Variants in CSMD1 observed in about 807,000 individuals in gnomAD.
The protein encoded by CSMD1 is CUB and sushi domain-containing protein 1.
Under a neutral mutation model 417.5 loss-of-function variants are expected in CSMD1, and 213 were observed. That is an observed-to-expected ratio of 0.51 (90% confidence interval 0.46 to 0.57). The LOEUF is 0.57. Ranked by LOEUF, CSMD1 falls within the 20% of genes least tolerant of loss-of-function variation. The pLI is 0.00. For synonymous variants in CSMD1, 2,862 were observed against 1,736.8 expected (o/e 1.65, Z -16.11); for missense variants, 6,923 against 4,529.7 (o/e 1.53, Z -15.17).
intron 1 of CSMD1, among the ~76,000 whole-genome samples, chr8:4,674,777 G>A (rs1457394927): frequency 6.6e-6 from 1 of 152,192 alleles, no homozygotes; most frequent in African/African-American, 2.4e-5. Flanking sequence ...GCTATAGATT[G>A]AATCGTGTCC....
intron 12 of CSMD1, among the ~76,000 whole-genome samples, chr8:3,448,041 C>T (rs145890815): frequency 1.3e-5 from 2 of 152,092 alleles, no homozygotes; most frequent in East Asian, 3.9e-4. Context: ...ACAAACAAGC[C>T]TCTTGTGTCA....
intron 2 of CSMD1, among the ~76,000 whole-genome samples, chr8:4,617,855 T>G (rs149659619): frequency 6.6e-6 from 1 of 152,282 alleles, no homozygotes; most frequent in Non-Finnish European, 1.5e-5. Flanking sequence ...CCAAGAACAC[T>G]CACCCTTCTT....
At chr8:2,971,257 G>C (rs547582880) in intron 57 of CSMD1, among the ~76,000 whole-genome samples, 41 of 152,130 alleles carry the variant, frequency 2.7e-4, no homozygotes, top group African/African-American at 9.4e-4. Context: ...GATCATCTCA[G>C]GGTCAGACTC....
intron 7 of CSMD1, among the ~76,000 whole-genome samples, chr8:3,623,276 A>G (rs764655937): frequency 1.3e-5 from 2 of 152,234 alleles, no homozygotes; most frequent in Non-Finnish European, 2.9e-5. Flanking sequence ...GCAGGGCAGT[A>G]AAGAAAATTC....
At chr8:4,406,657 C>T (rs958803111) in intron 3 of CSMD1, among the ~76,000 whole-genome samples, 2 of 152,138 alleles carry the variant, frequency 1.3e-5, no homozygotes, top group Admixed American at 1.3e-4. Flanking sequence ...CATGGGCACT[C>T]CTCCTGGCCA....
At chr8:3,412,134 A>G (rs1213372178) in intron 12 of CSMD1, among the ~76,000 whole-genome samples, 1 of 124,546 alleles carries the variant, frequency 8.0e-6, no homozygotes, top group Admixed American at 8.7e-5. Context: ...GTATATATAC[A>G]TATATACATA....
At chr8:4,035,392 T>TA (rs899671713) in intron 3 of CSMD1, among the ~76,000 whole-genome samples, 27 of 151,686 alleles carry the variant, frequency 1.8e-4, no homozygotes, top group African/African-American at 4.6e-4. Context: ...CTTCTTCTAC[T>TA]AAAAAAAAAT....
At chr8:4,061,834 A>G (rs6996744) in intron 3 of CSMD1, among the ~76,000 whole-genome samples, 5,727 of 152,292 alleles carry the variant, frequency 0.038, 381 homozygotes, top group African/African-American at 0.13. Flanking sequence ...TTTAGAAGAA[A>G]TATACACTGT....
intron 3 of CSMD1, among the ~76,000 whole-genome samples, chr8:4,239,622 G>A (rs572777465): frequency 6.6e-6 from 1 of 152,146 alleles, no homozygotes; most frequent in Non-Finnish European, 1.5e-5. Flanking sequence ...TTTCCACCTA[G>A]AGAACCCAAA....
chr8:4,415,472 T>C (rs1585040116), intron 3 of CSMD1, among the ~76,000 whole-genome samples: 1 of 152,310 alleles, frequency 6.6e-6, no homozygotes, highest in East Asian at 1.9e-4. Flanking sequence ...GAGCCCACTC[T>C]GTGATGGCCT....
At chr8:3,845,773 A>G (rs549776675) in intron 5 of CSMD1, among the ~76,000 whole-genome samples, 50 of 152,168 alleles carry the variant, frequency 3.3e-4, no homozygotes, top group Non-Finnish European at 6.8e-4. Flanking sequence ...TACTTTGTAC[A>G]GCTGTATAAA....
intron 6 of CSMD1, among the ~76,000 whole-genome samples, chr8:3,723,254 G>C (rs987716241): frequency 3.3e-5 from 5 of 152,036 alleles, no homozygotes; most frequent in African/African-American, 1.2e-4. Context: ...CAATGCAACG[G>C]GGACTGTCCC....
chr8:4,314,093 G>C (rs552254506), intron 3 of CSMD1, among the ~76,000 whole-genome samples: 2 of 151,910 alleles, frequency 1.3e-5, no homozygotes, highest in African/African-American at 2.4e-5. Flanking sequence ...CCTGGAGATG[G>C]GGGATTCAAC....
intron 3 of CSMD1, among the ~76,000 whole-genome samples, chr8:4,165,034 T>A (rs1021305516): frequency 2.0e-5 from 3 of 152,170 alleles, no homozygotes; most frequent in South Asian, 2.1e-4. Flanking sequence ...CACCTGAGGT[T>A]TCTGTATTGG....
intron 1 of CSMD1, among the ~76,000 whole-genome samples, chr8:4,713,364 CA>C (rs1284802177): frequency 6.9e-6 from 1 of 145,870 alleles, no homozygotes; most frequent in Middle Eastern, 3.3e-3. Context: ...TTTTATTAGT[CA>C]GCTTTGTGTT....
intron 5 of CSMD1, among the ~76,000 whole-genome samples, chr8:3,894,361 G>A (rs1006244802): frequency 1.3e-5 from 2 of 152,050 alleles, no homozygotes; most frequent in African/African-American, 4.8e-5. Flanking sequence ...GATTAAATGG[G>A]TGTTGCAACT....
At chr8:4,284,763 C>G (rs1796969536) in intron 3 of CSMD1, among the ~76,000 whole-genome samples, 1 of 152,150 alleles carries the variant, frequency 6.6e-6, no homozygotes, top group African/African-American at 2.4e-5. Context: ...TTCTTCTAAC[C>G]ACTTGCCTGG....
At chr8:3,975,442 T>C (rs146817253) in intron 5 of CSMD1, among the ~76,000 whole-genome samples, 129 of 152,018 alleles carry the variant, frequency 8.5e-4, no homozygotes, top group African/African-American at 2.7e-3. Context: ...CTTAGAAAAA[T>C]TCAATTAGAA....
chr8:4,156,942 C>T (rs986794194), intron 3 of CSMD1, among the ~76,000 whole-genome samples: 9 of 152,102 alleles, frequency 5.9e-5, no homozygotes, highest in African/African-American at 2.2e-4. Flanking sequence ...GAAACTTTAT[C>T]TATCCAACCA....
Sources: gnomAD v4.1 joint callset for allele counts (sites outside exome capture counted in the v4.1 genomes callset) on GRCh38, gnomAD v4.1.1 for gene constraint, MANE v1.5 for transcripts, NCBI Gene and HGNC (gene_info 2026-07-23, HGNC 2026-07-21) for gene names.